CARF: variants seen among roughly 807,000 people sequenced by gnomAD.
The protein encoded by CARF is calcium responsive transcription factor, also known as calcium-responsive transcription factor.
CARF carries 57 observed loss-of-function variants against 82.0 expected under a neutral mutation model. That is an observed-to-expected ratio of 0.70 (90% CI 0.56 to 0.87). The LOEUF is 0.87. Among genes scored for constraint, CARF ranks in the 40% least tolerant of loss-of-function variants. CARF has a pLI of 0.00. For missense variants in CARF, 771 were observed against 855.8 expected (o/e 0.90, Z 1.24); for synonymous variants, 268 against 290.1 (o/e 0.92, Z 0.77).
chr2:202,977,404 C>G (rs2060080850), intron 14 of CARF, 72 bp downstream of exon 14: 1 of 1,129,582 alleles, frequency 8.9e-7, no homozygotes, highest in African/African-American at 1.6e-5. Context: ...AAGATATTAT[C>G]TCATCTAATC....
chr2:202,978,875 G>T (rs2060134412), intron 14 of CARF, among the ~76,000 whole-genome samples: 1 of 152,188 alleles, frequency 6.6e-6, no homozygotes, highest in Admixed American at 6.5e-5. Context: ...TGATGGATCT[G>T]AAGAAAACTG....
intron 5 of CARF, among the ~76,000 whole-genome samples, chr2:202,947,985 G>C (rs1436317247): frequency 6.6e-6 from 1 of 152,046 alleles, no homozygotes; most frequent in African/African-American, 2.4e-5. Context: ...TATAGTTTTG[G>C]GTTTTATATT....
At chr2:202,927,161 C>T (rs746158947) in intron 3 of CARF, among the ~76,000 whole-genome samples, 8 of 152,082 alleles carry the variant, frequency 5.3e-5, no homozygotes, top group Non-Finnish European at 1.0e-4. Context: ...CTGTCCTTCC[C>T]TTTCTCTACA....
At chr2:202,932,241 G>T (rs1693071733) in intron 3 of CARF, among the ~76,000 whole-genome samples, 1 of 152,124 alleles carries the variant, frequency 6.6e-6, no homozygotes, top group Non-Finnish European at 1.5e-5. Flanking sequence ...GGTTATAATT[G>T]AACATGAGAT....
chr2:202,943,128 A>G (rs910501206), intron 5 of CARF, among the ~76,000 whole-genome samples, 161 bp downstream of exon 5: 6 of 152,110 alleles, frequency 3.9e-5, no homozygotes, highest in African/African-American at 9.7e-5. Flanking sequence ...CTGGAGTGCA[A>G]TGGCACAATC....
At chr2:202,924,552 C>A (rs1392502559) in intron 3 of CARF, 137 bp downstream of exon 3, 1 of 152,226 alleles carries the variant, frequency 6.6e-6, no homozygotes, top group Non-Finnish European at 1.5e-5. Flanking sequence ...AATAGCTTCT[C>A]AGCTCCATCT....
chr2:202,944,120 T>C (rs1293189036), intron 5 of CARF, among the ~76,000 whole-genome samples: 3 of 152,188 alleles, frequency 2.0e-5, no homozygotes, highest in Non-Finnish European at 4.4e-5. Flanking sequence ...ACGTGAGTAA[T>C]AATGCATAAA....
chr2:202,956,586 T>C (rs2105864895), intron 8 of CARF, among the ~76,000 whole-genome samples: 1 of 152,166 alleles, frequency 6.6e-6, no homozygotes, highest in African/African-American at 2.4e-5. Context: ...GTCCCAGATA[T>C]CTGGCTACTT....
At chr2:202,923,160 G>C (rs1691145435) in intron 2 of CARF, among the ~76,000 whole-genome samples, 1 of 152,074 alleles carries the variant, frequency 6.6e-6, no homozygotes, top group Non-Finnish European at 1.5e-5. Flanking sequence ...AGAATCGCTT[G>C]AACCTGGGAG....
At chr2:202,916,590 C>T (rs984963080) in intron 1 of CARF, among the ~76,000 whole-genome samples, 4 of 152,134 alleles carry the variant, frequency 2.6e-5, no homozygotes, top group Non-Finnish European at 5.9e-5. Context: ...TTTAAAGAAA[C>T]AACTTCAAGC....
In CARF at chr2:202,984,357, G is replaced by A. The variant is rs2060369378; in HGVS notation, c.*733G>A. On this transcript the variant is annotated 3_prime_UTR_variant, in exon 17 of 17. Transcript: ENST00000438828. ...AGATAAGCAACAGAAATCAACATAT[G>A]TAGCATGGATTTGTGCTATATTGGA... The A allele has an allele frequency of 6.6e-6, 1 of 152,178 alleles. No individual in the cohort carries two copies. The highest frequency in any genetic ancestry group is 2.4e-5 in the African/African-American group (1 of 41,444). 9.4% of individuals were successfully genotyped at this position (152,178 alleles called of 1,614,324 possible). A position where few individuals can be genotyped will look rare whatever the true frequency, so the allele number is the denominator to read the frequency against.
At chr2:202,935,106 A>G (rs1202450953) in intron 3 of CARF, among the ~76,000 whole-genome samples, 2 of 142,896 alleles carry the variant, frequency 1.4e-5, no homozygotes, top group African/African-American at 5.1e-5. Context: ...TATATAATAT[A>G]TAATTATATA....
chr2:202,980,306 C>T (rs779403335), intron 14 of CARF, among the ~76,000 whole-genome samples: 48 of 151,852 alleles, frequency 3.2e-4, no homozygotes, highest in Admixed American at 5.3e-4. Flanking sequence ...TTTGGGTTAA[C>T]GTATAAGAAT....
chr2:202,937,923 C>A (rs1694210405), intron 3 of CARF, among the ~76,000 whole-genome samples: 1 of 132,206 alleles, frequency 7.6e-6, no homozygotes, highest in Non-Finnish European at 1.7e-5. Context: ...TTGCACCCAG[C>A]CAACTGTAAA....
chr2:202,952,693 G>A lies in CARF; in HGVS notation c.427+14G>A. On this transcript the variant is annotated intron_variant, in intron 6 of 16. Coordinates refer to ENST00000438828, the MANE Select transcript of CARF (RefSeq NM_024744.17). Reference sequence around the variant, plus strand: ...ATAGTCCTCGGGGTGAGTAACAACGGGATATAGGGGATTTGAGAGTGTTTT... The same window carrying A: ...ATAGTCCTCGGGGTGAGTAACAACGAGATATAGGGGATTTGAGAGTGTTTT... 1 of 1,594,322 alleles carries A rather than the reference G, an allele frequency of 6.3e-7. No homozygotes were observed.
chr2:202,949,218 C>T (rs1446469754), intron 5 of CARF, among the ~76,000 whole-genome samples: 1 of 151,568 alleles, frequency 6.6e-6, no homozygotes, highest in East Asian at 1.9e-4. Flanking sequence ...CCTGTAATGC[C>T]ATCTACTCAG....
chr2:202,983,837 C>T lies in CARF; in HGVS notation c.*213C>T, dbSNP rs1284743473. 2.2e-6 allele frequency: 1 copy of T among 464,814 alleles called. No individual in the cohort carries two copies. Among genetic ancestry groups the T allele is most frequent in the Non-Finnish European group, 3.7e-6 (1 of 267,758 alleles). The allele number at this position is 464,814 out of a possible 1,614,324, so 28.8% of individuals were successfully genotyped here. ...CTTCTTATTTTGTATAATTTTTATG[C>T]TCTTTGATTATCTAATAAGGCCAGT... On this transcript the variant is annotated 3_prime_UTR_variant, in exon 17 of 17. Transcript: ENST00000438828.
intron 1 of CARF, among the ~76,000 whole-genome samples, chr2:202,913,777 G>A (rs1689095377): frequency 6.6e-6 from 1 of 152,102 alleles, no homozygotes; most frequent in South Asian, 2.1e-4. Context: ...TTGACCAGCA[G>A]GTTAATACAT....
At chr2:202,943,024 T>C (rs2058307896) in intron 5 of CARF, 57 bp downstream of exon 5, 4 of 1,294,326 alleles carry the variant, frequency 3.1e-6, no homozygotes, top group Non-Finnish European at 4.4e-6. Context: ...GTATTAGTCT[T>C]ACTAAATGAC....
Sources: gnomAD v4.1 joint callset for allele counts (sites outside exome capture counted in the v4.1 genomes callset) on GRCh38, gnomAD v4.1.1 for gene constraint, MANE v1.5 for transcripts, NCBI Gene and HGNC (gene_info 2026-07-23, HGNC 2026-07-21) for gene names.